TNRC6A: variants seen among roughly 807,000 people sequenced by gnomAD.
TNRC6A encodes the protein trinucleotide repeat containing adaptor 6A, also known as trinucleotide repeat-containing gene 6A protein.
TNRC6A carries 44 observed loss-of-function variants against 221.2 expected under a neutral mutation model. The ratio of observed to expected loss-of-function variants is 0.20; its 90% confidence interval spans 0.16 to 0.26. The LOEUF (loss-of-function observed/expected upper bound fraction) is 0.26, where lower values mean the gene tolerates loss of function less well. TNRC6A is among the 10% of genes least tolerant of loss of function. The pLI is 1.00. For missense variants in TNRC6A, 2,199 were observed against 2,404.4 expected, an observed-to-expected ratio of 0.91 and a Z score of 1.79; for synonymous variants, 847 against 838.5, an observed-to-expected ratio of 1.01 and a Z score of -0.18.
At chr16:24,679,605 T>A (rs1370092144) in intron 2 of TNRC6A, among the ~76,000 whole-genome samples, 2 of 152,060 alleles carry the variant, frequency 1.3e-5, no homozygotes, top group Admixed American at 1.3e-4. Context: ...GCCTCCCAAG[T>A]AGCTGGGACT....
At chr16:24,792,347 C>CTA (rs1212876182) in intron 6 of TNRC6A, among the ~76,000 whole-genome samples, 1 of 151,992 alleles carries the variant, frequency 6.6e-6, no homozygotes, top group Non-Finnish European at 1.5e-5. Flanking sequence ...TGAACTAATT[C>CTA]CTATCTCTGC....
intron 4 of TNRC6A, chr16:24,776,676 T>C: frequency 3.0e-6 from 3 of 985,428 alleles, no homozygotes; most frequent in Non-Finnish European, 3.6e-6. Flanking sequence ...GTAAAAGAGA[T>C]AGTGAACATG....
At chr16:24,651,695 C>CCG (rs1902674237) in intron 2 of TNRC6A, among the ~76,000 whole-genome samples, 3 of 150,462 alleles carry the variant, frequency 2.0e-5, no homozygotes, top group South Asian at 4.2e-4. Context: ...ACCCCCTCCC[C>CCG]CCGCCATCTT....
chr16:24,808,578 A>G (rs1347911203), intron 17 of TNRC6A, among the ~76,000 whole-genome samples: 1 of 152,270 alleles, frequency 6.6e-6, no homozygotes, highest in African/African-American at 2.4e-5. Flanking sequence ...TGGGTCCAAG[A>G]GTAGCAAATT....
chr16:24,713,705 G>C (rs144119334), intron 2 of TNRC6A, among the ~76,000 whole-genome samples: 1 of 151,844 alleles, frequency 6.6e-6, no homozygotes, highest in East Asian at 1.9e-4. Flanking sequence ...GGAGTGCAGT[G>C]GCATGATCTT....
intron 2 of TNRC6A, among the ~76,000 whole-genome samples, chr16:24,643,122 T>A (rs1357380132): frequency 2.2e-5 from 3 of 134,276 alleles, no homozygotes; most frequent in African/African-American, 8.5e-5. Context: ...TATATATATA[T>A]AAAATATATA....
intron 4 of TNRC6A, among the ~76,000 whole-genome samples, chr16:24,774,083 A>G (rs572302916): frequency 6.6e-6 from 1 of 152,304 alleles, no homozygotes; most frequent in East Asian, 1.9e-4. Context: ...ATGTCCGTTG[A>G]ATAGATGAAG....
chr16:24,630,695 G>C (rs746363570), intron 1 of TNRC6A, among the ~76,000 whole-genome samples: 7 of 152,100 alleles, frequency 4.6e-5, no homozygotes, highest in Non-Finnish European at 8.8e-5. Flanking sequence ...ATGCTGTAGG[G>C]AGCCCCACAC....
intron 1 of TNRC6A, among the ~76,000 whole-genome samples, chr16:24,637,242 A>G (rs1216459816): frequency 2.0e-5 from 3 of 152,136 alleles, no homozygotes; most frequent in Admixed American, 6.6e-5. Context: ...CATGTTGCTC[A>G]GGCTGGTCTC....
At chr16:24,805,304 G>C in intron 14 of TNRC6A, 153 bp downstream of exon 14, 1 of 1,146,294 alleles carries the variant, frequency 8.7e-7, no homozygotes, top group Non-Finnish European at 1.2e-6. Context: ...AAAGGTTGTA[G>C]TAAGGAAAAG....
chr16:24,819,086 G>A (rs866354346), intron 21 of TNRC6A, among the ~76,000 whole-genome samples: 22 of 152,064 alleles, frequency 1.4e-4, no homozygotes, highest in South Asian at 8.3e-4. Context: ...GAAAATGATG[G>A]CACACTTGAG....
intron 1 of TNRC6A, among the ~76,000 whole-genome samples, chr16:24,637,950 A>G (rs1352577421): frequency 6.6e-6 from 1 of 151,964 alleles, no homozygotes; most frequent in Non-Finnish European, 1.5e-5. Context: ...ACACCCAGCT[A>G]ACTTTTGTAT....
intron 11 of TNRC6A, 119 bp from the exon 12 acceptor site, chr16:24,804,058 C>A: frequency 9.5e-7 from 1 of 1,050,460 alleles, no homozygotes; most frequent in Non-Finnish European, 1.3e-6. Context: ...TTTTCACATA[C>A]CCTTGTCTTG....
chr16:24,764,486 C>T (rs996432179), intron 4 of TNRC6A, among the ~76,000 whole-genome samples: 1 of 151,880 alleles, frequency 6.6e-6, no homozygotes, highest in Non-Finnish European at 1.5e-5. Context: ...ACCACCACAC[C>T]TAATTTTTGT....
intron 16 of TNRC6A, 90 bp downstream of exon 16, chr16:24,806,373 C>T (rs1429722765): frequency 6.6e-7 from 1 of 1,515,814 alleles, no homozygotes; most frequent in Non-Finnish European, 9.0e-7. Context: ...AAATGTCTTT[C>T]TTAAAACAAT....
At chr16:24,628,720 A>C (rs1311218889) in intron 1 of TNRC6A, among the ~76,000 whole-genome samples, 3 of 152,230 alleles carry the variant, frequency 2.0e-5, no homozygotes, top group Non-Finnish European at 4.4e-5. Flanking sequence ...GCTATCCATA[A>C]GGCTTGCAGT....
At chr16:24,651,586 C>T (rs960040334) in intron 2 of TNRC6A, among the ~76,000 whole-genome samples, 17 of 147,794 alleles carry the variant, frequency 1.2e-4, no homozygotes, top group Admixed American at 8.2e-4. Context: ...CACATTGGCA[C>T]GGTGACTCAC....
At position 24,790,699 on chromosome 16, in the gene TNRC6A, G is replaced by A. The variant is rs1224643107; in HGVS notation, c.2057G>A (p.Gly686Glu). ...AGCACTGGACGCCTTGAGGAAAAAG[G>A]AACTGGGGAAAGTCAGAGTAGAGAC... ...TESTGRLEEK[G>E]TGESQSRDRR... Residue 686 changes from glycine to glutamate, a missense_variant, in exon 6 of 25, where the codon GGA becomes GAA. Gly to Glu is a moderately conservative substitution (Grantham distance 98). This residue lies in a region of TNRC6A where 1,405 missense variants were observed against 1,400.2 expected (regional missense o/e 1.00). Coordinates refer to ENST00000395799, the MANE Select transcript of TNRC6A (RefSeq NM_014494.4). 6.2e-7 allele frequency: 1 copy of A among 1,614,218 alleles called. No homozygotes were observed. Among genetic ancestry groups the A allele is most frequent in the Non-Finnish European group, 8.5e-7 (1 of 1,180,038 alleles).
rs1318999578 is a variant in TNRC6A, at chr16:24,791,051, G to T, written c.2409G>T (p.Gly803=). ...GDSKGSNCQG[G]WEDDSAATGM... ...CCAAAGGCTCAAACTGCCAGGGGGG[G>T]TGGGAAGATGATTCTGCTGCTACAG... The change falls in exon 6 of 25, where the codon GGG becomes GGT. Residue 803 remains glycine, a synonymous_variant. Coordinates refer to ENST00000395799, the MANE Select transcript of TNRC6A (RefSeq NM_014494.4). 1.3e-6 allele frequency: 2 copies of T among 1,597,022 alleles called. No homozygotes were observed. The highest frequency in any genetic ancestry group is 2.2e-5 in the East Asian group (1 of 44,768).
Sources: gnomAD v4.1 joint callset for allele counts (sites outside exome capture counted in the v4.1 genomes callset) on GRCh38, gnomAD v4.1.1 for gene constraint, gnomAD v4.1.1 regional missense constraint, MANE v1.5 for transcripts, NCBI Gene and HGNC (gene_info 2026-07-23, HGNC 2026-07-21) for gene names.